Variants in SGPP2 observed in about 807,000 individuals in gnomAD.
SGPP2 encodes sphingosine-1-phosphate phosphatase 2.
Under a neutral mutation model 33.9 loss-of-function variants are expected in SGPP2, and 30 were observed. The observed-to-expected ratio is 0.89, with a 90% CI of 0.66 to 1.20. SGPP2 has a LOEUF of 1.20. SGPP2 is among the 50% of genes most tolerant of loss of function. The probability of loss-of-function intolerance (pLI) is 0.00; values close to 1 mark genes in which losing one functional copy is unlikely to be tolerated. For missense variants in SGPP2, 458 were observed against 532.1 expected (o/e 0.86, Z 1.37); for synonymous variants, 233 against 225.0 (o/e 1.04, Z -0.32).
At chr2:222,524,695 A>G (rs930453078) in intron 3 of SGPP2, among the ~76,000 whole-genome samples, 2 of 152,234 alleles carry the variant, frequency 1.3e-5, no homozygotes, top group Non-Finnish European at 2.9e-5. Context: ...AAGTCCTACT[A>G]CGTCTCACGT....
rs1308861026 is a variant in SGPP2, at chr2:222,465,085, T to C, written c.220-9483T>C. On this transcript the variant is annotated intron_variant, in intron 1 of 4. Transcript: ENST00000321276. This position sits in a 1 kb window ranked among gnomAD's most constrained non-coding sequence, Gnocchi z 4.1. ...GCTCAGTCCCCTCAACCCTCCCTCCTATCCTTGGACGCAGCAGAGGGATCC... is the reference window on the plus strand; with the variant it reads ...GCTCAGTCCCCTCAACCCTCCCTCCCATCCTTGGACGCAGCAGAGGGATCC... Among the ~76,000 whole-genome samples, 1 of 152,192 alleles carries C rather than the reference T, an allele frequency of 6.6e-6. No individual in the cohort carries two copies. The highest frequency in any genetic ancestry group is 6.5e-5 in the Admixed American group (1 of 15,282).
At position 222,562,102 on chromosome 2, in the gene SGPP2, G is replaced by A. The variant is rs1051762433; in HGVS notation, c.*3204G>A. Among the ~76,000 whole-genome samples, 1 of 152,172 alleles carries A rather than the reference G, an allele frequency of 6.6e-6. No homozygotes were observed. Among genetic ancestry groups the A allele is most frequent in the African/African-American group, 2.4e-5 (1 of 41,426 alleles). ...ATTTAAAAGGCAAGCTCACCACAATGTAAGCCTATGGTCTGGCCAACCTTG... is the reference window on the plus strand; with the variant it reads ...ATTTAAAAGGCAAGCTCACCACAATATAAGCCTATGGTCTGGCCAACCTTG... On this transcript the variant is annotated 3_prime_UTR_variant, in exon 5 of 5. Coordinates refer to ENST00000321276, the MANE Select transcript of SGPP2 (RefSeq NM_152386.4).
rs1293393357 is a variant in SGPP2, at chr2:222,558,836, T to C, written c.1138T>C (p.Ser380Pro). The change falls in exon 5 of 5, where the codon TCT (serine) becomes CCT (proline). Residue 380 changes from serine (S) to proline (P), a missense_variant. Coordinates refer to ENST00000321276, the MANE Select transcript of SGPP2 (RefSeq NM_152386.4). ...EVPYKFVTYT[S>P]VGICATTFVP... ...GCCTTACAAGTTTGTTACCTACACA[T>C]CTGTTGGCATCTGCGCTACAACCTT... is the stretch of plus-strand genomic sequence containing the variant. 1 of 1,614,110 alleles carries C rather than the reference T, an allele frequency of 6.2e-7. No homozygotes were observed. The highest frequency in any genetic ancestry group is 8.5e-7 in the Non-Finnish European group (1 of 1,179,972).
chr2:222,424,873 T>G, intron 1 of SGPP2, 52 bp downstream of exon 1: 1 of 1,245,484 alleles, frequency 8.0e-7, no homozygotes, highest in Non-Finnish European at 1.0e-6. Context: ...GCTGCGGACG[T>G]GCGGGTCCCT....
intron 1 of SGPP2, among the ~76,000 whole-genome samples, chr2:222,438,504 T>C (rs1201279484): frequency 6.6e-6 from 1 of 152,260 alleles, no homozygotes. Flanking sequence ...TTGCTGGCCT[T>C]GCCAGCTGAA....
Position 222,541,702 on chromosome 2 carries a change from C to A in SGPP2, c.649-16645C>A, listed in dbSNP as rs1242116682. Among the ~76,000 whole-genome samples the A allele has an allele frequency of 2.0e-5, 3 of 152,060 alleles. No individual in the cohort carries two copies. In the East Asian group the frequency reaches 5.8e-4, roughly 29 times the overall value. On this transcript the variant is annotated intron_variant, in intron 4 of 4. Transcript: ENST00000321276. The stretch of plus-strand genomic sequence containing the variant: ...TATCTCAGTTCACTACAACCTCTGC[C>A]TCCTGGGTGCAAGTGATTCTCGTGC...
chr2:222,458,543 A>G (rs968091751), intron 1 of SGPP2, among the ~76,000 whole-genome samples: 4 of 152,216 alleles, frequency 2.6e-5, no homozygotes, highest in South Asian at 4.1e-4. Context: ...ATGCATCCTT[A>G]AGATCTGGCT....
rs1697946646 is a variant in SGPP2, at chr2:222,476,991, T to C, written c.378+2265T>C. ...ATATGTGTATATATAGGTGTGTGTA[T>C]ATTTTGTGTATTTATGTGTGTATGT... On this transcript the variant is annotated intron_variant, in intron 2 of 4. Transcript: ENST00000321276. The surrounding 1 kb of genome is among the most constrained non-coding windows in gnomAD (Gnocchi z 4.3). Among the ~76,000 whole-genome samples, 1 of 151,770 alleles carries C rather than the reference T, an allele frequency of 6.6e-6. No individual in the cohort carries two copies. Among genetic ancestry groups the C allele is most frequent in the Admixed American group, 6.6e-5 (1 of 15,234 alleles).
At chr2:222,430,335 G>A (rs1042211716) in intron 1 of SGPP2, among the ~76,000 whole-genome samples, 18 of 152,146 alleles carry the variant, frequency 1.2e-4, no homozygotes, top group African/African-American at 4.3e-4. Flanking sequence ...GTGTCAGCAG[G>A]AAATAGTTGG....
chr2:222,525,444 A>C (rs1559169924), intron 4 of SGPP2, among the ~76,000 whole-genome samples: 1 of 152,146 alleles, frequency 6.6e-6, no homozygotes, highest in Non-Finnish European at 1.5e-5. Flanking sequence ...TGCCCTTGCA[A>C]GGTAAGGGTC....
At chr2:222,472,444 C>A (rs1281814026) in intron 1 of SGPP2, among the ~76,000 whole-genome samples, 2 of 152,004 alleles carry the variant, frequency 1.3e-5, no homozygotes, top group African/African-American at 4.8e-5. Context: ...GTCAGTTGGT[C>A]ACCAGAATGC....
At chr2:222,449,671 A>T (rs1014937617) in intron 1 of SGPP2, among the ~76,000 whole-genome samples, 1 of 152,280 alleles carries the variant, frequency 6.6e-6, no homozygotes, top group African/African-American at 2.4e-5. Flanking sequence ...GGGTTTCACC[A>T]TGTTAGCCAA....
In SGPP2 at chr2:222,427,594, T is replaced by TA. The variant is rs199716663; in HGVS notation, c.219+2782dup. ...TGACTGGCGATGTTTCGTTTTTCTT[T>TA]AAAAAAAAATGAGTGAATGTTGAAA... On this transcript the variant is annotated intron_variant, in intron 1 of 4. Transcript: ENST00000321276. Among the ~76,000 whole-genome samples the TA allele has an allele frequency of 7.1e-3, 1,078 of 151,400 alleles. 8 individuals carry two copies. The highest frequency in any genetic ancestry group is 0.024 in the African/African-American group (989 of 41,328).
chr2:222,468,771 A>G (rs748478051), intron 1 of SGPP2, among the ~76,000 whole-genome samples: 11 of 152,230 alleles, frequency 7.2e-5, no homozygotes, highest in African/African-American at 9.6e-5. Flanking sequence ...CCATGCAGTC[A>G]ATCTGCATGC....
chr2:222,471,428 T>A lies in SGPP2; in HGVS notation c.220-3140T>A, dbSNP rs575008857. Among the ~76,000 whole-genome samples, 15 of 151,856 alleles carry A rather than the reference T, an allele frequency of 9.9e-5. 1 individual carries two copies. The highest frequency in any genetic ancestry group is 3.3e-4 in the Admixed American group (5 of 15,278). ...TGCAGTTTCCAAGGTCATTTTTTTTTATTTCTGAAGTATAAAAGTACTCTC... is the reference window on the plus strand; with the variant it reads ...TGCAGTTTCCAAGGTCATTTTTTTTAATTTCTGAAGTATAAAAGTACTCTC... On this transcript the variant is annotated intron_variant, in intron 1 of 4. Coordinates refer to ENST00000321276, the MANE Select transcript of SGPP2 (RefSeq NM_152386.4).
chr2:222,424,662 C>T lies in SGPP2; in HGVS notation c.60C>T (p.Arg20=), dbSNP rs1269335841. 1 of 1,442,198 alleles carries T rather than the reference C, an allele frequency of 6.9e-7. No homozygotes were observed. Among genetic ancestry groups the T allele is most frequent in the Non-Finnish European group, 9.1e-7 (1 of 1,097,704 alleles). 89.3% of individuals were successfully genotyped at this position (1,442,198 alleles called of 1,614,324 possible). A position where few individuals can be genotyped will look rare whatever the true frequency, so the allele number is the denominator to read the frequency against. The change falls in exon 1 of 5, where the codon CGC becomes CGT. Residue 20 remains arginine, a synonymous_variant. Transcript: ENST00000321276. ...DSQLVARFQR[R]CGLFPAPDEG... ...AGCTCGTCGCCCGCTTCCAGCGCCG[C>T]TGCGGGCTCTTCCCCGCTCCGGATG...
intron 1 of SGPP2, among the ~76,000 whole-genome samples, chr2:222,434,540 T>TC (rs1372529002): frequency 6.6e-6 from 1 of 152,028 alleles, no homozygotes; most frequent in African/African-American, 2.4e-5. Context: ...TATTCTCTCC[T>TC]CCCCCAAATG....
chr2:222,474,544 A>G (rs763942452), intron 1 of SGPP2, 24 bp from the exon 2 acceptor site: 9 of 1,608,112 alleles, frequency 5.6e-6, no homozygotes, highest in Non-Finnish European at 7.6e-6. Flanking sequence ...GAACTCACAG[A>G]GTCTTCTAAC....
intron 1 of SGPP2, chr2:222,453,267 G>T: frequency 1.3e-6 from 1 of 756,370 alleles, no homozygotes; most frequent in Non-Finnish European, 2.5e-6. Context: ...AAGCCAGGCA[G>T]GTTTGGGGAC....
Sources: allele counts gnomAD v4.1 joint callset (sites outside exome capture counted in the v4.1 genomes callset), GRCh38; gene constraint gnomAD v4.1.1; non-coding constraint Gnocchi (gnomAD v3.1); transcripts MANE v1.5; gene names NCBI Gene and HGNC (gene_info 2026-07-23, HGNC 2026-07-21).